The following SLC29A4 variants were observed in gnomAD, a reference collection of about 807,000 sequenced individuals.
SLC29A4 encodes the protein equilibrative nucleoside transporter 4.
SLC29A4 carries 36 observed loss-of-function variants against 43.9 expected under a neutral mutation model. That is an observed-to-expected ratio of 0.82 (90% CI 0.63 to 1.08). The LOEUF (loss-of-function observed/expected upper bound fraction) is 1.08, where lower values mean the gene tolerates loss of function less well. SLC29A4 is among the 50% of genes least tolerant of loss of function. SLC29A4 has a pLI of 0.00. For synonymous variants in SLC29A4, 491 were observed against 338.0 expected (o/e 1.45, Z -4.97); for missense variants, 869 against 755.3 (o/e 1.15, Z -1.77).
intron 2 of SLC29A4, 26 bp downstream of exon 2, chr7:5,288,011 G>T (rs1404636491): frequency 6.3e-7 from 1 of 1,589,562 alleles, no homozygotes; most frequent in Non-Finnish European, 8.6e-7. Context: ...GGCAAGGTGC[G>T]GGTCTTGCCC....
chr7:5,299,814 G>A (rs377701081), intron 9 of SLC29A4, among the ~76,000 whole-genome samples: 40 of 152,360 alleles, frequency 2.6e-4, no homozygotes, highest in East Asian at 1.2e-3. Flanking sequence ...ACTTCAGGAG[G>A]CCAGAGATGG....
chr7:5,296,979 G>T lies in SLC29A4; in HGVS notation c.663G>T (p.Lys221Asn), dbSNP rs1190784223. 2.5e-6 allele frequency: 4 copies of T among 1,602,004 alleles called. No homozygotes were observed. The highest frequency in any genetic ancestry group is 3.4e-6 in the Non-Finnish European group (4 of 1,179,412). The change falls in exon 7 of 11, where the codon AAG (lysine) becomes AAT (asparagine). Residue 221 changes from lysine to asparagine, a missense_variant. Lys to Asn is a moderately conservative substitution (Grantham distance 94, BLOSUM62 0). Coordinates refer to ENST00000396872, the MANE Select transcript of SLC29A4 (RefSeq NM_153247.4). ...TCTCTCTGAGCCGCATCCTCACGAA[G>T]CTGCTGCTGCCCGACGAGCGCGCCA... is the stretch of plus-strand genomic sequence containing the variant. ...VMISLSRILT[K>N]LLLPDERAST...
intron 5 of SLC29A4, 112 bp downstream of exon 5, chr7:5,291,933 GGGT>G (rs1785335891): frequency 6.8e-7 from 1 of 1,460,488 alleles, no homozygotes; most frequent in Non-Finnish European, 9.1e-7. Context: ...CGGGCTGGCT[GGGT>G]GCCAGGTGTG....
rs1056329272 is a variant in SLC29A4, at chr7:5,292,690, C to CTTTTTTTTTTTTTTTTT, written c.544+881_544+897dup. ...TTCTACCAGCCAAGACATTTTTTTC[C>CTTTTTTTTTTTTTTTTT]TTTTTTTTTTTTTTTTTTTTTTTTT... On this transcript the variant is annotated intron_variant, in intron 5 of 10. Transcript: ENST00000396872. 3.6e-4 allele frequency among the ~76,000 whole-genome samples: 24 copies of CTTTTTTTTTTTTTTTTT among 67,412 alleles called. 6 individuals carry two copies. Among genetic ancestry groups the CTTTTTTTTTTTTTTTTT allele is most frequent in the East Asian group, 5.7e-4 (1 of 1,760 alleles). The allele number at this position is 67,412 out of a possible 152,430, so 44.2% of individuals were successfully genotyped here. A position where few individuals can be genotyped will look rare whatever the true frequency, so the allele number is the denominator to read the frequency against.
At chr7:5,287,320 A>C (rs1785015059) in intron 1 of SLC29A4, among the ~76,000 whole-genome samples, 1 of 152,082 alleles carries the variant, frequency 6.6e-6, no homozygotes. Context: ...TGGGAGGCTG[A>C]ATCAGGAGGA....
chr7:5,296,095 G>A (rs1390973998), intron 6 of SLC29A4, among the ~76,000 whole-genome samples: 2 of 151,966 alleles, frequency 1.3e-5, no homozygotes, highest in Non-Finnish European at 2.9e-5. Context: ...CATGAGCACT[G>A]AGCTCACAGC....
Position 5,306,851 on chromosome 7 carries a change from C to CAACAAACA in SLC29A4, c.*3915_*3922dup. The CAACAAACA allele has an allele frequency of 6.7e-6, 1 of 149,454 alleles. No homozygotes were observed. The highest frequency in any genetic ancestry group is 2.5e-5 in the African/African-American group (1 of 40,286). The allele number at this position is 149,454 out of a possible 1,614,324, so 9.3% of individuals were successfully genotyped here. On this transcript the variant is annotated 3_prime_UTR_variant, in exon 11 of 11. Coordinates refer to ENST00000396872, the MANE Select transcript of SLC29A4 (RefSeq NM_153247.4). ...TGAAAAAAGATCACACAGAATTTGC[C>CAACAAACA]AACAAACAAAATTCCAAAAGAAACA...
chr7:5,288,802 T>G (rs1241057640), intron 2 of SLC29A4, among the ~76,000 whole-genome samples: 1 of 152,066 alleles, frequency 6.6e-6, no homozygotes, highest in Non-Finnish European at 1.5e-5. Context: ...CATTGAAGAA[T>G]TGGGCCAACT....
chr7:5,292,455 T>C (rs558299528), intron 5 of SLC29A4, among the ~76,000 whole-genome samples: 16 of 152,102 alleles, frequency 1.1e-4, no homozygotes, highest in African/African-American at 3.9e-4. Flanking sequence ...TTTGCAAAAA[T>C]TTCAAACCTA....
At chr7:5,288,982 T>C (rs1429168568) in intron 2 of SLC29A4, among the ~76,000 whole-genome samples, 1 of 152,158 alleles carries the variant, frequency 6.6e-6, no homozygotes, top group East Asian at 1.9e-4. Context: ...ACTGTGTCAG[T>C]GTGGTTGCAT....
chr7:5,300,797 C>T (rs181568393), intron 10 of SLC29A4, 135 bp downstream of exon 10: 961 of 1,237,478 alleles, frequency 7.8e-4, no homozygotes, highest in Middle Eastern at 2.8e-3. Context: ...TCTGGGAGGC[C>T]GTAGGTGTGG....
At position 5,302,968 on chromosome 7, in the gene SLC29A4, G is replaced by T. The variant is rs535529024; in HGVS notation, c.*29G>T. 1.9e-6 allele frequency: 3 copies of T among 1,594,796 alleles called. No individual in the cohort carries two copies. In the Admixed American group the frequency reaches 5.2e-5, roughly 28 times the overall value. On this transcript the variant is annotated 3_prime_UTR_variant, in exon 11 of 11. Coordinates refer to ENST00000396872, the MANE Select transcript of SLC29A4 (RefSeq NM_153247.4). The stretch of plus-strand genomic sequence containing the variant: ...AGCCCCGCCCACTGCCAGGGACGCC[G>T]AGGGCCTGACCAGGGGCCCCGAGGC...
chr7:5,294,725 C>T, intron 5 of SLC29A4, 135 bp from the exon 6 acceptor site: 1 of 872,438 alleles, frequency 1.1e-6, no homozygotes, highest in East Asian at 2.5e-5. Context: ...TGCTGCGTGT[C>T]AAATCTCTCT....
At chr7:5,299,579 A>G (rs1785986838) in intron 9 of SLC29A4, 152 bp downstream of exon 9, 2 of 910,854 alleles carry the variant, frequency 2.2e-6, no homozygotes, top group Non-Finnish European at 3.2e-6. Context: ...CATCCTGGAC[A>G]GTGTCCTCTG....
In SLC29A4 at chr7:5,291,737, G is replaced by A. The variant is rs1785324609; in HGVS notation, c.460G>A (p.Asp154Asn). The change falls in exon 5 of 11, where the codon GAC (aspartate) becomes AAC (asparagine). Residue 154 changes from aspartate to asparagine, a missense_variant. Transcript: ENST00000396872. ...LGPLLFISIC[D>N]VWLQLFSRDQ... ...CCCTCTCCTTTTTATCAGCATCTGC[G>A]ACGTGTGGCTGCAGCTCTTCTCTCG... is the stretch of plus-strand genomic sequence containing the variant. 2.5e-6 allele frequency: 4 copies of A among 1,611,798 alleles called. No individual in the cohort carries two copies. The highest frequency in any genetic ancestry group is 2.7e-5 in the African/African-American group (2 of 74,850).
At chr7:5,297,723 G>A (rs534874094) in intron 7 of SLC29A4, among the ~76,000 whole-genome samples, 15 of 152,268 alleles carry the variant, frequency 9.9e-5, no homozygotes, top group East Asian at 3.9e-4. Context: ...GGAATGTGGC[G>A]GGGCCCCCAG....
At chr7:5,288,149 C>G (rs1202786303) in intron 2 of SLC29A4, among the ~76,000 whole-genome samples, 164 bp downstream of exon 2, 1 of 152,142 alleles carries the variant, frequency 6.6e-6, no homozygotes, top group Non-Finnish European at 1.5e-5. Context: ...AACACGCCCA[C>G]CTTCTCAGTG....
intron 6 of SLC29A4, 88 bp downstream of exon 6, chr7:5,295,022 C>A: frequency 1.7e-6 from 2 of 1,191,434 alleles, no homozygotes; most frequent in Non-Finnish European, 2.4e-6. Context: ...ATGATGCTCC[C>A]CGGTCTGGGA....
chr7:5,284,651 TG>T (rs937719243), intron 1 of SLC29A4, among the ~76,000 whole-genome samples: 8 of 152,076 alleles, frequency 5.3e-5, no homozygotes, highest in South Asian at 2.1e-4. Flanking sequence ...GGCTTGGATG[TG>T]GGGGGCCGGG....
Sources: gnomAD v4.1 joint callset for allele counts (sites outside exome capture counted in the v4.1 genomes callset) on GRCh38, gnomAD v4.1.1 for gene constraint, MANE v1.5 for transcripts, NCBI Gene and HGNC (gene_info 2026-07-23, HGNC 2026-07-21) for gene names.